The following MS4A13 variants were observed in gnomAD, a reference collection of about 807,000 sequenced individuals.
MS4A13 encodes the protein membrane spanning 4-domains A13.
MS4A13 carries 21 observed loss-of-function variants against 18.4 expected under a neutral mutation model. That is an observed-to-expected ratio of 1.14 (90% CI 0.81 to 1.64). MS4A13 has a LOEUF of 1.64. Among genes scored for constraint, MS4A13 ranks in the 40% most tolerant of loss-of-function variants. The pLI is 0.00. For missense variants in MS4A13, 173 were observed against 176.8 expected (o/e 0.98, Z 0.12); for synonymous variants, 62 against 57.2 (o/e 1.08, Z -0.38).
intron 4 of MS4A13, among the ~76,000 whole-genome samples, chr11:60,524,882 G>A (rs890323067): frequency 2.6e-5 from 4 of 151,886 alleles, no homozygotes; most frequent in South Asian, 2.1e-4. Context: ...GGATGGTCTC[G>A]ATCTCCTGAC....
intron 6 of MS4A13, among the ~76,000 whole-genome samples, chr11:60,538,397 C>G (rs929881615): frequency 1.2e-4 from 18 of 151,324 alleles, no homozygotes; most frequent in Non-Finnish European, 1.9e-4. Context: ...TATTCCAAAA[C>G]TACCAAAAGA....
At position 60,518,117 on chromosome 11, in the gene MS4A13, T is replaced by C; in HGVS notation, c.34T>C (p.Phe12Leu). The change falls in exon 3 of 7, where the codon TTT (phenylalanine) becomes CTT (leucine). Residue 12 changes from phenylalanine (F) to leucine (L), a missense_variant. Physicochemically the swap from Phe to Leu is conservative, Grantham distance 22. Transcript: ENST00000378186. ...IGIFHIFMWY[F>L]LLVLYMGQIK... The stretch of plus-strand genomic sequence containing the variant: ...CATCTTTCACATTTTCATGTGGTAC[T>C]TTCTATTGGTTTTGTATATGGGACA... 1 of 1,607,798 alleles carries C rather than the reference T, an allele frequency of 6.2e-7. No individual in the cohort carries two copies. The highest frequency in any genetic ancestry group is 8.5e-7 in the Non-Finnish European group (1 of 1,175,120).
chr11:60,526,535 T>C (rs533342366), intron 5 of MS4A13, among the ~76,000 whole-genome samples: 5 of 152,350 alleles, frequency 3.3e-5, no homozygotes, highest in African/African-American at 1.2e-4. Flanking sequence ...AGTTTTATAG[T>C]CTCTCAAAAT....
chr11:60,536,707 C>T (rs1323625946), intron 6 of MS4A13, among the ~76,000 whole-genome samples: 6 of 62,372 alleles, frequency 9.6e-5, no homozygotes, highest in Non-Finnish European at 1.5e-4. Context: ...AAAAAGAGCC[C>T]GCATTGCCAA....
rs556095593 is a variant in MS4A13 at position 60,542,568 on chromosome 11, C to T, written c.452C>T (p.Thr151Ile). ...TCTGTTACTGAGGAAGCTGAGAGCA[C>T]TCCTTAAAAACCCTAGAAATATGAG... ...LTSVTEEAES[T>I]P The change falls in exon 7 of 7, where the codon ACT (threonine) becomes ATT (isoleucine). Residue 151 changes from threonine to isoleucine, a missense_variant. Thr to Ile is a moderately conservative substitution (Grantham distance 89). Coordinates refer to ENST00000378186, the MANE Select transcript of MS4A13 (RefSeq NM_001012417.3). 1 of 1,607,148 alleles carries T rather than the reference C, an allele frequency of 6.2e-7. No homozygotes were observed. Among genetic ancestry groups the T allele is most frequent in the East Asian group, 2.2e-5 (1 of 44,716 alleles).
intron 2 of MS4A13, among the ~76,000 whole-genome samples, chr11:60,516,950 A>G (rs530964004): frequency 3.3e-5 from 5 of 151,560 alleles, no homozygotes; most frequent in African/African-American, 1.2e-4. Context: ...TATAAGAGGT[A>G]TTTGCTGGAT....
chr11:60,527,599 G>A (rs112959505), intron 5 of MS4A13, among the ~76,000 whole-genome samples: 4,754 of 152,138 alleles, frequency 0.031, 111 homozygotes, highest in Middle Eastern at 0.071. Flanking sequence ...ACTTTGGAAG[G>A]CCAAGGCAGG....
At chr11:60,524,045 G>A (rs1278466538) in intron 4 of MS4A13, 92 bp downstream of exon 4, 3 of 729,794 alleles carry the variant, frequency 4.1e-6, no homozygotes, top group African/African-American at 3.5e-5. Context: ...AAACAATGAA[G>A]GAATCTACCC....
Position 60,518,182 on chromosome 11 carries a change from C to G in MS4A13, c.99C>G (p.Tyr33Ter). ...TTGGAACGTATGAACCTGTAACTTA[C>G]AAAACAGGATGTACTTTATGGGGAA... ...GAFGTYEPVT[Y>*]KTGCTLWGIF... Residue 33 changes from tyrosine to a stop codon, truncating the protein, a stop_gained, in exon 3 of 7, where the codon TAC becomes TAG. Coordinates refer to ENST00000378186, the MANE Select transcript of MS4A13 (RefSeq NM_001012417.3). LOFTEE classifies it high-confidence loss of function. 1 of 1,611,226 alleles carries G rather than the reference C, an allele frequency of 6.2e-7. No homozygotes were observed. The highest frequency in any genetic ancestry group is 1.3e-5 in the African/African-American group (1 of 74,940).
chr11:60,542,257 AGAAAGAAAGAAAAAG>A (rs1404240061), intron 6 of MS4A13, among the ~76,000 whole-genome samples: 36 of 128,954 alleles, frequency 2.8e-4, no homozygotes, highest in African/African-American at 1.3e-3. Flanking sequence ...AAAAAGAGAA[AGAAAGAAAGAAAAAG>A]GAAAGAAAGA....
chr11:60,517,985 GT>G (rs2086648332), intron 2 of MS4A13, 86 bp from the exon 3 acceptor site: 1 of 1,017,884 alleles, frequency 9.8e-7, no homozygotes, highest in Non-Finnish European at 1.4e-6. Flanking sequence ...ATTTGTAAAG[GT>G]GTTAAATGCT....
At chr11:60,524,871 A>G (rs2086702479) in intron 4 of MS4A13, among the ~76,000 whole-genome samples, 1 of 152,032 alleles carries the variant, frequency 6.6e-6, no homozygotes, top group Non-Finnish European at 1.5e-5. Context: ...CGTGTTAGCC[A>G]GGATGGTCTC....
At chr11:60,542,228 G>GAAAGAAGGA in intron 6 of MS4A13, among the ~76,000 whole-genome samples, 1 of 143,672 alleles carries the variant, frequency 7.0e-6, no homozygotes, top group Admixed American at 7.2e-5. Context: ...AGAAAGAAAG[G>GAAAGAAGGA]AAGGAAGGAA....
At chr11:60,539,850 T>A (rs2135272826) in intron 6 of MS4A13, among the ~76,000 whole-genome samples, 1 of 152,266 alleles carries the variant, frequency 6.6e-6, no homozygotes, top group Non-Finnish European at 1.5e-5. Flanking sequence ...GAATTCTTTA[T>A]CCTTTAAAAC....
chr11:60,524,766 C>T (rs2086701458), intron 4 of MS4A13, among the ~76,000 whole-genome samples: 1 of 151,270 alleles, frequency 6.6e-6, no homozygotes, highest in Non-Finnish European at 1.5e-5. Flanking sequence ...GGGTTTACAC[C>T]ATTCTGCCTC....
At chr11:60,517,082 A>G (rs915100857) in intron 2 of MS4A13, among the ~76,000 whole-genome samples, 2 of 151,960 alleles carry the variant, frequency 1.3e-5, no homozygotes, top group Non-Finnish European at 2.9e-5. Context: ...AATCCAAAGA[A>G]TTTCTGGAAA....
intron 3 of MS4A13, among the ~76,000 whole-genome samples, chr11:60,523,650 G>A (rs898830282): frequency 2.6e-5 from 4 of 152,114 alleles, no homozygotes; most frequent in Non-Finnish European, 4.4e-5. Flanking sequence ...TAGGCTGTCT[G>A]GCATATTATC....
intron 1 of MS4A13, 85 bp from the exon 2 acceptor site, chr11:60,515,881 AGGT>A (rs1484796920): frequency 5.9e-5 from 9 of 152,222 alleles, no homozygotes; most frequent in Admixed American, 5.2e-4. Flanking sequence ...GAATTTGGAG[AGGT>A]GGTGACTGAA....
Position 60,523,932 on chromosome 11 carries a change from A to G in MS4A13, c.165A>G (p.Thr55=). 2 of 1,548,556 alleles carry G rather than the reference A, an allele frequency of 1.3e-6. No individual in the cohort carries two copies. The highest frequency in any genetic ancestry group is 1.8e-6 in the Non-Finnish European group (2 of 1,120,702). ...IIAGVFLIRV[T]KYPTRSGIIS... The stretch of plus-strand genomic sequence containing the variant: ...CAGGAGTCTTCCTAATAAGAGTAAC[A>G]AAGTATCCGACTCGATCTGGAGTAA... The change falls in exon 4 of 7, where the codon ACA becomes ACG. Residue 55 remains threonine (T), a synonymous_variant. Transcript: ENST00000378186.
Sources: allele counts gnomAD v4.1 joint callset (sites outside exome capture counted in the v4.1 genomes callset), GRCh38; gene constraint gnomAD v4.1.1; transcripts MANE v1.5; gene names NCBI Gene and HGNC (gene_info 2026-07-23, HGNC 2026-07-21).